TUBGCP2: variants seen among roughly 807,000 people sequenced by gnomAD.
TUBGCP2 encodes tubulin gamma complex component 2.
In TUBGCP2, 55 loss-of-function variants were observed where a neutral mutation model predicts 92.2. The observed-to-expected ratio is 0.60, with a 90% CI of 0.48 to 0.75. The LOEUF (loss-of-function observed/expected upper bound fraction) is 0.75. Ranked by LOEUF, TUBGCP2 falls within the 30% of genes least tolerant of loss-of-function variation. The pLI is 0.00. For missense variants in TUBGCP2, 1,093 were observed against 1,188.9 expected (o/e 0.92, Z 1.19); for synonymous variants, 533 against 505.2 (o/e 1.06, Z -0.74).
Position 133,279,659 on chromosome 10 carries a change from A to G in TUBGCP2, c.*107T>C, listed in dbSNP as rs957470255. 1 of 1,399,180 alleles carries G rather than the reference A, an allele frequency of 7.1e-7. No homozygotes were observed. Among genetic ancestry groups the G allele is most frequent in the Non-Finnish European group, 9.3e-7 (1 of 1,072,172 alleles). 86.7% of individuals were successfully genotyped at this position (1,399,180 alleles called of 1,614,324 possible). A position where few individuals can be genotyped will look rare whatever the true frequency, so the allele number is the denominator to read the frequency against. On this transcript the variant is annotated 3_prime_UTR_variant, in exon 18 of 18. Coordinates refer to ENST00000252936, the MANE Select transcript of TUBGCP2 (RefSeq NM_006659.4). ...GCTGAGTCAATCATTCCTGCTTTAT[A>G]TTTAAACTGCAAAGACAGAACACAG...
chr10:133,293,028 C>A lies in TUBGCP2; in HGVS notation c.1024+11G>T, dbSNP rs773973257. 4.3e-6 allele frequency: 7 copies of A among 1,611,440 alleles called. No homozygotes were observed. The highest frequency in any genetic ancestry group is 5.9e-6 in the Non-Finnish European group (7 of 1,179,304). On this transcript the variant is annotated intron_variant, in intron 7 of 17. Transcript: ENST00000252936. Reference sequence around the variant, plus strand: ...CCACCACTGCCCCATGCCCCCCGGGCGGGCACGCACCGAGGGAGGCCAGGA... The same window carrying A: ...CCACCACTGCCCCATGCCCCCCGGGAGGGCACGCACCGAGGGAGGCCAGGA...
At chr10:133,308,132 G>A (rs991225589) in intron 1 of TUBGCP2, among the ~76,000 whole-genome samples, 2 of 152,186 alleles carry the variant, frequency 1.3e-5, no homozygotes, top group African/African-American at 4.8e-5. Flanking sequence ...ATCCGCCACT[G>A]GGCCCATTCT....
At chr10:133,312,272 G>A, upstream of TUBGCP2, 3 of 1,285,536 alleles carry the variant, frequency 2.3e-6, no homozygotes, top group Non-Finnish European at 3.0e-6. Flanking sequence ...TTTCTAGCAT[G>A]ACCTGTACTG....
At chr10:133,309,436 A>G (rs749590837), upstream of TUBGCP2, 8 of 1,612,548 alleles carry the variant, frequency 5.0e-6, no homozygotes, top group South Asian at 8.8e-5. Flanking sequence ...GTGATCATGC[A>G]GGTGGCCGAC....
At chr10:133,287,362 G>A (rs895993310) in intron 11 of TUBGCP2, among the ~76,000 whole-genome samples, 4 of 152,170 alleles carry the variant, frequency 2.6e-5, no homozygotes, top group Admixed American at 6.5e-5. Context: ...GTGAAGGATC[G>A]CTTGAGCCCA....
rs147676958 is a variant in TUBGCP2, at chr10:133,285,696, G to T, written c.1723-68C>A. 1 of 1,420,364 alleles carries T rather than the reference G, an allele frequency of 7.0e-7. No individual in the cohort carries two copies. Among genetic ancestry groups the T allele is most frequent in the Non-Finnish European group, 9.3e-7 (1 of 1,077,684 alleles). The allele number at this position is 1,420,364 out of a possible 1,614,324, so 88.0% of individuals were successfully genotyped here. A position where few individuals can be genotyped will look rare whatever the true frequency, so the allele number is the denominator to read the frequency against. On this transcript the variant is annotated intron_variant, in intron 11 of 17. Coordinates refer to ENST00000252936, the MANE Select transcript of TUBGCP2 (RefSeq NM_006659.4). The surrounding 1 kb of genome is among the most constrained non-coding windows in gnomAD (Gnocchi z 6.8). ...AAAGACCCGAAGTCGCATCCCGATC[G>T]CCATCCTCGCTCACAGACCCAGCGC...
Position 133,283,893 on chromosome 10 carries a change from T to C in TUBGCP2, c.2134A>G (p.Asn712Asp), listed in dbSNP as rs148160847. 1.4e-5 allele frequency: 23 copies of C among 1,613,848 alleles called. No homozygotes were observed. In the African/African-American group the frequency reaches 2.9e-4, roughly 21 times the overall value. ...MEPTWHILEKNLKSASNIDDV... is the reference protein window; with the variant it reads ...MEPTWHILEKDLKSASNIDDV... ...GAGCTAAAACTCACGGATTTCAGGT[T>C]TTTCTCCAGGATGTGCCAGGTCGGT... The change falls in exon 14 of 18, where the codon AAC (asparagine) becomes GAC (aspartate). Residue 712 changes from asparagine (N) to aspartate (D), a missense_variant. Coordinates refer to ENST00000252936, the MANE Select transcript of TUBGCP2 (RefSeq NM_006659.4).
intron 1 of TUBGCP2, among the ~76,000 whole-genome samples, chr10:133,306,340 G>A (rs1847817927): frequency 6.6e-6 from 1 of 152,134 alleles, no homozygotes; most frequent in African/African-American, 2.4e-5. Flanking sequence ...GGCTCCCCGA[G>A]GACTGCAGGT....
intron 7 of TUBGCP2, 150 bp from the exon 8 acceptor site, chr10:133,292,838 T>A: frequency 8.6e-7 from 1 of 1,159,536 alleles, no homozygotes; most frequent in Non-Finnish European, 1.2e-6. Flanking sequence ...AGGTTGTAGT[T>A]GCTGATTTCA....
chr10:133,301,621 A>G (rs117159024), intron 2 of TUBGCP2: 4,416 of 151,172 alleles, frequency 0.029, 93 homozygotes, highest in Non-Finnish European at 0.045. Context: ...CTGAAAATCT[A>G]TACTTCTGAA....
At chr10:133,282,156 G>A in intron 16 of TUBGCP2, 67 bp downstream of exon 16, 1 of 1,606,042 alleles carries the variant, frequency 6.2e-7, no homozygotes, top group Non-Finnish European at 8.5e-7. Flanking sequence ...CCCTGCGTCA[G>A]GATGCCCAGG....
intron 6 of TUBGCP2, 134 bp from the exon 7 acceptor site, chr10:133,293,372 C>T: frequency 1.6e-6 from 2 of 1,249,326 alleles, no homozygotes; most frequent in East Asian, 2.5e-5. Context: ...GAACTTTTGC[C>T]CCAGGAGGAG....
At chr10:133,310,559 C>T (rs529221314), upstream of TUBGCP2, 11 of 476,114 alleles carry the variant, frequency 2.3e-5, no homozygotes, top group Admixed American at 1.0e-4. Context: ...GCGGGCGCAG[C>T]GCCTCCGCAC....
rs1847125520 is a variant in TUBGCP2 at position 133,285,950 on chromosome 10, CATG to C, written c.1723-325_1723-323del. On this transcript the variant is annotated intron_variant, in intron 11 of 17. Transcript: ENST00000252936. This position sits in a 1 kb window ranked among gnomAD's most constrained non-coding sequence, Gnocchi z 6.8. The stretch of plus-strand genomic sequence containing the variant: ...TTCCTTAGGACGAAAACCTTTGTAC[CATG>C]ATAAGCACCAGGCCCAGGTTGAAAA... Among the ~76,000 whole-genome samples the C allele has an allele frequency of 6.6e-6, 1 of 152,058 alleles. No individual in the cohort carries two copies. The highest frequency in any genetic ancestry group is 2.1e-4 in the South Asian group (1 of 4,814).
chr10:133,296,697 G>A (rs530374369), intron 5 of TUBGCP2, among the ~76,000 whole-genome samples: 9 of 152,202 alleles, frequency 5.9e-5, no homozygotes, highest in African/African-American at 1.4e-4. Context: ...GGCTGGTCTC[G>A]AATTCCTGGG....
intron 1 of TUBGCP2, among the ~76,000 whole-genome samples, chr10:133,305,984 C>A (rs574201238): frequency 3.7e-4 from 57 of 152,328 alleles, no homozygotes; most frequent in Admixed American, 5.9e-4. Flanking sequence ...CTAGGTCCTG[C>A]GTAGAGCTGT....
intron 6 of TUBGCP2, 76 bp downstream of exon 6, chr10:133,293,486 C>T (rs1226864883): frequency 2.7e-6 from 4 of 1,481,036 alleles, no homozygotes; most frequent in Non-Finnish European, 3.7e-6. Flanking sequence ...TGCAGACGTC[C>T]CCATGGTCAT....
At chr10:133,286,793 CCAA>C (rs1208029506) in intron 11 of TUBGCP2, among the ~76,000 whole-genome samples, 1 of 152,180 alleles carries the variant, frequency 6.6e-6, no homozygotes, top group Non-Finnish European at 1.5e-5. Context: ...ACCCACGGCT[CCAA>C]CAAGAAATCA....
chr10:133,312,162 A>G (rs1013302974), upstream of TUBGCP2: 12 of 1,335,782 alleles, frequency 9.0e-6, no homozygotes, highest in African/African-American at 5.9e-5. Flanking sequence ...CCTTAATAGC[A>G]TCACCTGTGC....
Sources: allele counts gnomAD v4.1 joint callset (sites outside exome capture counted in the v4.1 genomes callset), GRCh38; gene constraint gnomAD v4.1.1; non-coding constraint Gnocchi (gnomAD v3.1); transcripts MANE v1.5; gene names NCBI Gene and HGNC (gene_info 2026-07-23, HGNC 2026-07-21).